Variants in TMEM232 observed in about 807,000 individuals in gnomAD.
TMEM232 encodes the protein transmembrane protein 232.
TMEM232 carries 80 observed loss-of-function variants against 78.8 expected under a neutral mutation model. The ratio of observed to expected loss-of-function variants is 1.01; its 90% confidence interval spans 0.85 to 1.22. The LOEUF (loss-of-function observed/expected upper bound fraction) is 1.22, where lower values mean the gene tolerates loss of function less well. Ranked by LOEUF, TMEM232 falls within the 50% of genes most tolerant of loss-of-function variation. TMEM232 has a pLI of 0.00. For synonymous variants in TMEM232, 297 were observed against 254.3 expected, an observed-to-expected ratio of 1.17 and a Z score of -1.60; for missense variants, 881 against 742.2, an observed-to-expected ratio of 1.19 and a Z score of -2.17.
At chr5:110,494,592 ACTC>A (rs1280793693) in intron 12 of TMEM232, among the ~76,000 whole-genome samples, 2 of 152,000 alleles carry the variant, frequency 1.3e-5, no homozygotes, top group East Asian at 3.9e-4. Flanking sequence ...CAGACATTCT[ACTC>A]CTAGGTATAG....
chr5:110,489,466 TA>T (rs1224406587), intron 12 of TMEM232, among the ~76,000 whole-genome samples: 1 of 151,992 alleles, frequency 6.6e-6, no homozygotes. Context: ...CACTTTATAA[TA>T]AGAGAACACT....
chr5:110,517,923 T>G (rs959476021), intron 12 of TMEM232, among the ~76,000 whole-genome samples: 10 of 152,154 alleles, frequency 6.6e-5, no homozygotes, highest in African/African-American at 2.4e-4. Flanking sequence ...GCTCCTTTTT[T>G]GTCTCACTCT....
intron 10 of TMEM232, among the ~76,000 whole-genome samples, chr5:110,570,392 A>C (rs1776809909): frequency 6.6e-6 from 1 of 151,986 alleles, no homozygotes; most frequent in African/African-American, 2.4e-5. Context: ...AAGTGAGAAA[A>C]AGATAATCTG....
Position 110,528,847 on chromosome 5 carries a change from A to G in TMEM232, c.1456-12T>C. ...TCATTTAACTCAGCCTGTTGAAAGAAAAGAGAAAGGAATCAGTTGAAACAG... is the reference window on the plus strand; with the variant it reads ...TCATTTAACTCAGCCTGTTGAAAGAGAAGAGAAAGGAATCAGTTGAAACAG... On this transcript the variant is annotated splice_polypyrimidine_tract_variant and intron_variant, in intron 11 of 13. Coordinates refer to ENST00000455884, the MANE Select transcript of TMEM232 (RefSeq NM_001039763.4). 1.4e-6 allele frequency: 2 copies of G among 1,411,378 alleles called. No homozygotes were observed. The highest frequency in any genetic ancestry group is 2.6e-5 in the East Asian group (1 of 38,056). The allele number at this position is 1,411,378 out of a possible 1,614,324, so 87.4% of individuals were successfully genotyped here. A position where few individuals can be genotyped will look rare whatever the true frequency, so the allele number is the denominator to read the frequency against.
At chr5:110,409,630 C>G (rs1193466094) in intron 2 of TMEM232, among the ~76,000 whole-genome samples, 1 of 152,092 alleles carries the variant, frequency 6.6e-6, no homozygotes, top group Non-Finnish European at 1.5e-5. Flanking sequence ...CAAGAAAGCC[C>G]TTAGAGATAA....
At chr5:110,474,768 A>G (rs938364489) in intron 12 of TMEM232, among the ~76,000 whole-genome samples, 10 of 152,010 alleles carry the variant, frequency 6.6e-5, no homozygotes, top group Non-Finnish European at 1.3e-4. Context: ...AAGAAATAGC[A>G]AATAAAAATT....
At chr5:110,393,554 T>C (rs904647362) in intron 3 of TMEM232, among the ~76,000 whole-genome samples, 5 of 152,236 alleles carry the variant, frequency 3.3e-5, no homozygotes, top group Non-Finnish European at 7.3e-5. Flanking sequence ...AGATAGCATA[T>C]AATTGAAACT....
chr5:110,514,332 T>C (rs1290633337), intron 12 of TMEM232, among the ~76,000 whole-genome samples: 9 of 152,112 alleles, frequency 5.9e-5, no homozygotes, highest in African/African-American at 9.7e-5. Context: ...CAGCAATTCA[T>C]AGCTTAAAAA....
At chr5:110,649,278 A>G (rs535531031) in intron 2 of TMEM232, among the ~76,000 whole-genome samples, 257 of 152,218 alleles carry the variant, frequency 1.7e-3, no homozygotes, top group African/African-American at 5.7e-3. Flanking sequence ...TTATATGTTG[A>G]TGAAGACAGC....
chr5:110,725,357 A>T (rs1364895952), intron 1 of TMEM232, among the ~76,000 whole-genome samples: 2 of 152,212 alleles, frequency 1.3e-5, no homozygotes, highest in African/African-American at 4.8e-5. Context: ...TTAGAACATC[A>T]TCTCCTAGAA....
chr5:110,423,103 T>C (rs898858579), intron 13 of TMEM232, among the ~76,000 whole-genome samples: 2 of 152,176 alleles, frequency 1.3e-5, no homozygotes, highest in Non-Finnish European at 2.9e-5. Context: ...GAAGGAGAAT[T>C]ATATCTGTAG....
At chr5:110,449,879 A>G (rs1760077804) in intron 12 of TMEM232, among the ~76,000 whole-genome samples, 1 of 152,028 alleles carries the variant, frequency 6.6e-6, no homozygotes, top group Non-Finnish European at 1.5e-5. Context: ...TAGGCTCAAC[A>G]TCTCTGACAT....
At chr5:110,645,180 ACT>A (rs1787310798) in intron 2 of TMEM232, among the ~76,000 whole-genome samples, 1 of 151,656 alleles carries the variant, frequency 6.6e-6, no homozygotes, top group South Asian at 2.1e-4. Flanking sequence ...ACTCTGTTAA[ACT>A]CTTGCAAAAA....
intron 12 of TMEM232, among the ~76,000 whole-genome samples, chr5:110,507,696 T>C (rs1233023891): frequency 1.3e-4 from 20 of 152,218 alleles, no homozygotes. Flanking sequence ...AGATTTGCCA[T>C]GTATTGTTCT....
At chr5:110,713,131 GA>G (rs112694958) in intron 1 of TMEM232, among the ~76,000 whole-genome samples, 1,879 of 146,158 alleles carry the variant, frequency 0.013, 47 homozygotes, top group African/African-American at 0.043. Flanking sequence ...TATGTTAAGA[GA>G]AAAAAAAAAC....
rs10522202 is a variant in TMEM232, at chr5:110,721,673, G to GTATATATATATA, written c.-13+4953_-13+4954insTATATATATATA. Among the ~76,000 whole-genome samples the GTATATATATATA allele has an allele frequency of 8.2e-3, 292 of 35,490 alleles. 70 individuals carry two copies. The highest frequency in any genetic ancestry group is 0.016 in the Non-Finnish European group (253 of 16,026). 23.3% of individuals were successfully genotyped at this position (35,490 alleles called of 152,430 possible). On this transcript the variant is annotated intron_variant, in intron 1 of 13. Coordinates refer to ENST00000455884, the MANE Select transcript of TMEM232 (RefSeq NM_001039763.4). ...GCATATCATGTGTGTGTGTGTGTGT[G>GTATATATATATA]TATATATATATCTGTGTGTGTTAGT...
chr5:110,631,932 G>A (rs1043963314), intron 5 of TMEM232, among the ~76,000 whole-genome samples: 33 of 151,514 alleles, frequency 2.2e-4, no homozygotes, highest in African/African-American at 5.8e-4. Flanking sequence ...ACCTAGAGGC[G>A]CAAGAATTGG....
chr5:110,614,439 A>C (rs563672472), intron 8 of TMEM232, among the ~76,000 whole-genome samples: 2 of 152,114 alleles, frequency 1.3e-5, no homozygotes, highest in Non-Finnish European at 2.9e-5. Flanking sequence ...CTACATTTAT[A>C]AAATACTAAG....
chr5:110,534,227 C>T (rs2149550765), intron 11 of TMEM232, among the ~76,000 whole-genome samples: 1 of 152,326 alleles, frequency 6.6e-6, no homozygotes, highest in Admixed American at 6.5e-5. Flanking sequence ...CACCTCTATA[C>T]AGTCTGATAG....
Sources: allele counts gnomAD v4.1 joint callset (sites outside exome capture counted in the v4.1 genomes callset), GRCh38; gene constraint gnomAD v4.1.1; transcripts MANE v1.5; gene names NCBI Gene and HGNC (gene_info 2026-07-23, HGNC 2026-07-21).